The following TMEM117 variants were observed in gnomAD, a reference collection of about 807,000 sequenced individuals.
TMEM117 encodes the protein transmembrane protein 117.
A neutral mutation model predicts 52.4 loss-of-function variants in TMEM117; 27 were observed. The observed-to-expected ratio is 0.51, with a 90% confidence interval of 0.38 to 0.71. The LOEUF is 0.71. Ranked by LOEUF, TMEM117 falls within the 30% of genes least tolerant of loss-of-function variation. TMEM117 has a pLI of 0.00. For missense variants in TMEM117, 556 were observed against 630.5 expected (o/e 0.88, Z 1.26); for synonymous variants, 215 against 206.3 (o/e 1.04, Z -0.36).
intron 5 of TMEM117, among the ~76,000 whole-genome samples, chr12:44,223,011 A>C (rs1949809659): frequency 6.7e-6 from 1 of 148,732 alleles, no homozygotes; most frequent in South Asian, 2.1e-4. Context: ...GAATTCAAAA[A>C]CTTTTCCTTT....
intron 5 of TMEM117, among the ~76,000 whole-genome samples, chr12:44,228,400 G>A (rs1949890257): frequency 6.6e-6 from 1 of 152,172 alleles, no homozygotes; most frequent in Non-Finnish European, 1.5e-5. Flanking sequence ...CCTGTTAGGT[G>A]TCAGTGACTA....
At chr12:44,023,082 G>A (rs954593622) in intron 3 of TMEM117, among the ~76,000 whole-genome samples, 7 of 152,148 alleles carry the variant, frequency 4.6e-5, no homozygotes, top group African/African-American at 1.7e-4. Context: ...AAAACAAGGT[G>A]ACTTAGTTCC....
chr12:43,985,487 A>G (rs1324769447), intron 3 of TMEM117, among the ~76,000 whole-genome samples: 1 of 152,214 alleles, frequency 6.6e-6, no homozygotes, highest in Non-Finnish European at 1.5e-5. Context: ...AGAAATTATT[A>G]GTGAAGAGCA....
chr12:44,101,195 T>C (rs1947854577), intron 3 of TMEM117, among the ~76,000 whole-genome samples: 1 of 151,926 alleles, frequency 6.6e-6, no homozygotes, highest in Non-Finnish European at 1.5e-5. Context: ...AGGTTTCAAC[T>C]TATGAATATG....
At chr12:44,226,886 G>A (rs1474645253) in intron 5 of TMEM117, among the ~76,000 whole-genome samples, 1 of 152,102 alleles carries the variant, frequency 6.6e-6, no homozygotes, top group East Asian at 1.9e-4. Context: ...CATCTAGTCT[G>A]TGGTACTTTG....
intron 5 of TMEM117, among the ~76,000 whole-genome samples, chr12:44,268,301 C>T (rs941710959): frequency 4.0e-5 from 6 of 151,848 alleles, no homozygotes; most frequent in African/African-American, 7.3e-5. Flanking sequence ...CCATGCCTGG[C>T]TAATTTTTTT....
intron 3 of TMEM117, among the ~76,000 whole-genome samples, chr12:44,085,254 AT>A (rs374707342): frequency 0.03 from 4,462 of 148,592 alleles, 100 homozygotes; most frequent in Admixed American, 0.039. Context: ...ACTTTGTCTC[AT>A]TTTTTTTTTC....
chr12:44,141,457 G>T lies in TMEM117; in HGVS notation c.411-2068G>T, dbSNP rs144186629. ...TTTTTATTTTTTTAGTTATTAGCTG[G>T]ATGATTGATCTGTTGCAAGTGTATC... On this transcript the variant is annotated intron_variant, in intron 3 of 7. Coordinates refer to ENST00000266534, the MANE Select transcript of TMEM117 (RefSeq NM_032256.3). 1.4e-3 allele frequency among the ~76,000 whole-genome samples: 210 copies of T among 152,040 alleles called. 1 individual carries two copies. Among genetic ancestry groups the T allele is most frequent in the African/African-American group, 4.7e-3 (195 of 41,500 alleles).
Position 44,027,119 on chromosome 12 carries a change from A to ATATT in TMEM117, c.410+82778_410+82779insATTT, listed in dbSNP as rs1565797781. On this transcript the variant is annotated intron_variant, in intron 3 of 7. Coordinates refer to ENST00000266534, the MANE Select transcript of TMEM117 (RefSeq NM_032256.3). ...ATTTTATTTTATTTTATTTTATCTT[A>ATATT]TTATTTTATTTTATATTTTATTTTA... 3.1e-3 allele frequency among the ~76,000 whole-genome samples: 352 copies of ATATT among 115,264 alleles called. 3 individuals are homozygous for ATATT. Among genetic ancestry groups the ATATT allele is most frequent in the African/African-American group, 0.012 (279 of 23,210 alleles). The allele number at this position is 115,264 out of a possible 152,430, so 75.6% of individuals were successfully genotyped here.
chr12:44,246,378 A>G (rs563736088), intron 5 of TMEM117, among the ~76,000 whole-genome samples: 13 of 152,274 alleles, frequency 8.5e-5, no homozygotes, highest in African/African-American at 2.2e-4. Context: ...AGAATAAGGT[A>G]TTAATATGTC....
intron 4 of TMEM117, among the ~76,000 whole-genome samples, chr12:44,201,967 T>G (rs549992249): frequency 1.6e-4 from 25 of 152,198 alleles, no homozygotes; most frequent in African/African-American, 5.8e-4. Context: ...TATCTTTATA[T>G]CATGTGATAT....
At chr12:43,987,028 C>T (rs74811852) in intron 3 of TMEM117, among the ~76,000 whole-genome samples, 2,802 of 152,218 alleles carry the variant, frequency 0.018, 90 homozygotes, top group African/African-American at 0.064. Context: ...AGCCCCAGCC[C>T]CCAGTATCTC....
At chr12:44,259,723 T>C (rs1016021282) in intron 5 of TMEM117, among the ~76,000 whole-genome samples, 2 of 152,162 alleles carry the variant, frequency 1.3e-5, no homozygotes, top group African/African-American at 4.8e-5. Context: ...AGTGGCCATA[T>C]TAAAAATAGA....
At chr12:44,344,451 T>A (rs1364637356) in intron 6 of TMEM117, among the ~76,000 whole-genome samples, 1 of 152,092 alleles carries the variant, frequency 6.6e-6, no homozygotes, top group Non-Finnish European at 1.5e-5. Flanking sequence ...TGTTTTCATT[T>A]CTGCTAGGCC....
chr12:43,833,877 G>A (rs1253052416), upstream of TMEM117, among the ~76,000 whole-genome samples: 1 of 152,004 alleles, frequency 6.6e-6, no homozygotes, highest in African/African-American at 2.4e-5. Context: ...CAGATCACTT[G>A]AGCTCAGGAG....
At chr12:44,161,022 G>A (rs1210429952) in intron 4 of TMEM117, among the ~76,000 whole-genome samples, 1 of 152,110 alleles carries the variant, frequency 6.6e-6, no homozygotes, top group Non-Finnish European at 1.5e-5. Context: ...GAGGCATTTT[G>A]AGTCAAGGTT....
chr12:43,962,985 C>CT (rs1179676214), intron 3 of TMEM117, among the ~76,000 whole-genome samples: 1 of 151,200 alleles, frequency 6.6e-6, no homozygotes, highest in Non-Finnish European at 1.5e-5. Context: ...GAAAAGCATA[C>CT]ATTATTCAGC....
intron 5 of TMEM117, among the ~76,000 whole-genome samples, chr12:44,279,889 G>C (rs537444909): frequency 5.3e-5 from 8 of 152,206 alleles, no homozygotes; most frequent in African/African-American, 1.7e-4. Context: ...TTTATCCTAT[G>C]AAACCTCTAT....
intron 5 of TMEM117, among the ~76,000 whole-genome samples, chr12:44,260,328 C>A (rs1370464674): frequency 6.6e-6 from 1 of 152,056 alleles, no homozygotes; most frequent in African/African-American, 2.4e-5. Context: ...TAAGTGGAGT[C>A]TAAACCTTTC....
Sources: gnomAD v4.1 joint callset for allele counts (sites outside exome capture counted in the v4.1 genomes callset) on GRCh38, gnomAD v4.1.1 for gene constraint, MANE v1.5 for transcripts, NCBI Gene and HGNC (gene_info 2026-07-23, HGNC 2026-07-21) for gene names.